GALNT9: variants seen among roughly 807,000 people sequenced by gnomAD.
GALNT9 encodes the protein polypeptide N-acetylgalactosaminyltransferase 9.
A neutral mutation model predicts 63.1 loss-of-function variants in GALNT9; 47 were observed. That is an observed-to-expected ratio of 0.75 (90% CI 0.59 to 0.95). The LOEUF (loss-of-function observed/expected upper bound fraction) is 0.95. GALNT9 is among the 40% of genes least tolerant of loss of function. The probability of loss-of-function intolerance (pLI) is 0.00; values close to 1 mark genes in which losing one functional copy is unlikely to be tolerated. For missense variants in GALNT9, 829 were observed against 874.8 expected (o/e 0.95, Z 0.66); for synonymous variants, 396 against 365.7 (o/e 1.08, Z -0.94).
intron 7 of GALNT9, 40 bp downstream of exon 7, chr12:132,203,465 C>T: frequency 6.2e-7 from 1 of 1,606,644 alleles, no homozygotes; most frequent in Non-Finnish European, 8.5e-7. Flanking sequence ...GACCCCGACC[C>T]TGGGGCATGG....
In GALNT9 at chr12:132,296,036, A is replaced by T. The variant is rs112453846; in HGVS notation, c.239-9606T>A. Among the ~76,000 whole-genome samples the T allele has an allele frequency of 7.5e-6, 1 of 132,716 alleles. No individual in the cohort carries two copies. The highest frequency in any genetic ancestry group is 1.6e-5 in the Non-Finnish European group (1 of 63,852). The allele number at this position is 132,716 out of a possible 152,430, so 87.1% of individuals were successfully genotyped here. A position where few individuals can be genotyped will look rare whatever the true frequency, so the allele number is the denominator to read the frequency against. ...AGCCTCCGGAACAGGGAGAGCCTCC[A>T]GAACAGGGAGAGCCTCTGAACAGGG... is the stretch of plus-strand genomic sequence containing the variant. On this transcript the variant is annotated intron_variant, in intron 1 of 10. Coordinates refer to ENST00000328957, the MANE Select transcript of GALNT9 (RefSeq NM_001122636.2). This position sits in a 1 kb window ranked among gnomAD's most constrained non-coding sequence, Gnocchi z 4.2.
chr12:132,198,569 G>A (rs1168768259), intron 9 of GALNT9, among the ~76,000 whole-genome samples: 2 of 152,130 alleles, frequency 1.3e-5, no homozygotes, highest in Non-Finnish European at 1.5e-5. Context: ...TCAATCACGC[G>A]ACAGTCCTGA....
chr12:132,229,286 G>A (rs1407195725), intron 6 of GALNT9, among the ~76,000 whole-genome samples: 1 of 152,196 alleles, frequency 6.6e-6, no homozygotes, highest in Admixed American at 6.5e-5. Flanking sequence ...ATCTCGCCCT[G>A]GGTCACCAGA....
chr12:132,322,829 G>A (rs954709016), intron 1 of GALNT9, among the ~76,000 whole-genome samples: 2 of 152,368 alleles, frequency 1.3e-5, no homozygotes, highest in South Asian at 4.1e-4. Context: ...TGGAAAATGA[G>A]TTTCTCCTTC....
chr12:132,218,410 G>A (rs965943590), intron 6 of GALNT9, among the ~76,000 whole-genome samples: 3 of 152,216 alleles, frequency 2.0e-5, no homozygotes, highest in African/African-American at 7.2e-5. Context: ...TTGGCAGAAC[G>A]GAATTTCCCC....
rs557103319 is a variant in GALNT9, at chr12:132,255,957, C to T, written c.959+1732G>A. On this transcript the variant is annotated intron_variant, in intron 5 of 10. Coordinates refer to ENST00000328957, the MANE Select transcript of GALNT9 (RefSeq NM_001122636.2). ...CTGTTTCTGTCCCCATGAGGGAGGG[C>T]GAACTCCTGAGTTTACGCAATCCAC... is the stretch of plus-strand genomic sequence containing the variant. Among the ~76,000 whole-genome samples the T allele has an allele frequency of 1.8e-4, 28 of 152,170 alleles. 1 individual carries two copies. The highest frequency in any genetic ancestry group is 6.0e-4 in the African/African-American group (25 of 41,506).
In GALNT9 at chr12:132,296,402, C is replaced by G. The variant is rs1555243252; in HGVS notation, c.239-9972G>C. Among the ~76,000 whole-genome samples, 1 of 152,238 alleles carries G rather than the reference C, an allele frequency of 6.6e-6. No homozygotes were observed. The highest frequency in any genetic ancestry group is 1.5e-5 in the Non-Finnish European group (1 of 68,042). On this transcript the variant is annotated intron_variant, in intron 1 of 10. Coordinates refer to ENST00000328957, the MANE Select transcript of GALNT9 (RefSeq NM_001122636.2). The surrounding 1 kb of genome is among the most constrained non-coding windows in gnomAD (Gnocchi z 4.2). The stretch of plus-strand genomic sequence containing the variant: ...CTGATGGCCCAGCTGTGGGCTCTTC[C>G]CCGGATCTCATGGGTGTCTTCCTGG...
rs1263741739 is a variant in GALNT9 at position 132,279,168 on chromosome 12, C to T, written c.419+7082G>A. ...GCTCCCCAGCTGCTCTGCTCCCCAG[C>T]TCCCTACAACGCGGATTTATTCTTA... On this transcript the variant is annotated intron_variant, in intron 2 of 10. Coordinates refer to ENST00000328957, the MANE Select transcript of GALNT9 (RefSeq NM_001122636.2). This position sits in a 1 kb window ranked among gnomAD's most constrained non-coding sequence, Gnocchi z 4.1. The T allele has an allele frequency of 6.6e-6, 1 of 152,306 alleles. No homozygotes were observed. Among genetic ancestry groups the T allele is most frequent in the East Asian group, 1.9e-4 (1 of 5,194 alleles). The allele number at this position is 152,306 out of a possible 1,614,324, so 9.4% of individuals were successfully genotyped here.
intron 1 of GALNT9, among the ~76,000 whole-genome samples, chr12:132,307,071 C>T (rs144211654): frequency 6.6e-6 from 1 of 152,002 alleles, no homozygotes; most frequent in Non-Finnish European, 1.5e-5. Flanking sequence ...CACCTCCTCT[C>T]GATGGACCCT....
chr12:132,287,930 G>A (rs1432855687), intron 1 of GALNT9, among the ~76,000 whole-genome samples: 2 of 152,190 alleles, frequency 1.3e-5, no homozygotes, highest in Admixed American at 1.3e-4. Flanking sequence ...GCGGGTGCCT[G>A]GGCAATAGTT....
At position 132,240,873 on chromosome 12, in the gene GALNT9, C is replaced by G. The variant is rs1287704653; in HGVS notation, c.1077+7037G>C. ...CCACACCCCCTTCCCAGGGCCGTCC[C>G]TATACCCATTACACACACACCACAC... On this transcript the variant is annotated intron_variant, in intron 6 of 10. Transcript: ENST00000328957. 1.1e-5 allele frequency: 4 copies of G among 378,802 alleles called. No homozygotes were observed. In the East Asian group the frequency reaches 2.2e-4, roughly 21 times the overall value. 23.5% of individuals were successfully genotyped at this position (378,802 alleles called of 1,614,324 possible).
At chr12:132,229,740 C>T (rs1405079697) in intron 6 of GALNT9, among the ~76,000 whole-genome samples, 6 of 152,250 alleles carry the variant, frequency 3.9e-5, no homozygotes, top group Middle Eastern at 3.2e-3. Context: ...TCATGGTCAC[C>T]GGCATCTGTG....
At position 132,203,583 on chromosome 12, in the gene GALNT9, G is replaced by A. The variant is rs1159569909; in HGVS notation, c.1185C>T (p.Arg395=). The A allele has an allele frequency of 1.2e-6, 2 of 1,613,822 alleles. No homozygotes were observed. Among genetic ancestry groups the A allele is most frequent in the East Asian group, 2.2e-5 (1 of 44,880 alleles). The change falls in exon 7 of 11, where the codon CGC becomes CGT. Residue 395 remains arginine (R), a synonymous_variant. Coordinates refer to ENST00000328957, the MANE Select transcript of GALNT9 (RefSeq NM_001122636.2). ...ACACCTCGGCGGCGCGCAGGGCGTT[G>A]CGCTTGGCATAGTAGTCAATGTCGT... ...YNNDIDYYAK[R]NALRAAEVWM...
In GALNT9 at chr12:132,231,044, GGA is replaced by G. The variant is rs1593073763; in HGVS notation, c.1077+16864_1077+16865del. Among the ~76,000 whole-genome samples the G allele has an allele frequency of 1.1e-4, 15 of 140,970 alleles. No individual in the cohort carries two copies. The East Asian group carries it at 1.5e-3, about 14-fold the overall frequency. 92.5% of individuals were successfully genotyped at this position (140,970 alleles called of 152,430 possible). A position where few individuals can be genotyped will look rare whatever the true frequency, so the allele number is the denominator to read the frequency against. On this transcript the variant is annotated intron_variant, in intron 6 of 10. Transcript: ENST00000328957. ...GCCACACACTCGATGGGGCGACAGA[GGA>G]GACAGCGTGGAGTCCCTAGTGCCAC...
intron 6 of GALNT9, among the ~76,000 whole-genome samples, chr12:132,240,992 C>A (rs1394254089): frequency 3.5e-5 from 5 of 141,748 alleles, no homozygotes; most frequent in African/African-American, 1.3e-4. Flanking sequence ...GCCACACCCC[C>A]TTCCCGGGGC....
At chr12:132,303,422 G>GAATCGCCCAGACACAC (rs1881395958) in intron 1 of GALNT9, among the ~76,000 whole-genome samples, 1 of 87,062 alleles carries the variant, frequency 1.1e-5, no homozygotes, top group African/African-American at 4.9e-5. Flanking sequence ...CCCGGGCACA[G>GAATCGCCCAGACACAC]CCTCGCCCGG....
rs546835147 is a variant in GALNT9 at position 132,322,186 on chromosome 12, A to G, written c.238+6780T>C. Among the ~76,000 whole-genome samples the G allele has an allele frequency of 2.6e-5, 4 of 152,254 alleles. 1 individual carries two copies. In the South Asian group the frequency reaches 8.3e-4, roughly 32 times the overall value. ...TCCGGGCGGGCCCCGTTCAACCCGT[A>G]ACCATCCCCGCCACCCAGATACCCA... On this transcript the variant is annotated intron_variant, in intron 1 of 10. Coordinates refer to ENST00000328957, the MANE Select transcript of GALNT9 (RefSeq NM_001122636.2).
At chr12:132,297,868 C>G (rs898125703) in intron 1 of GALNT9, among the ~76,000 whole-genome samples, 1 of 151,842 alleles carries the variant, frequency 6.6e-6, no homozygotes, top group Admixed American at 6.5e-5. Flanking sequence ...CCAAGATTAC[C>G]AACTCACTCC....
Position 132,327,248 on chromosome 12 carries a change from G to C in GALNT9, c.238+1718C>G, listed in dbSNP as rs1454770306. Among the ~76,000 whole-genome samples the C allele has an allele frequency of 3.3e-5, 5 of 151,504 alleles. No homozygotes were observed. Among genetic ancestry groups the C allele is most frequent in the Admixed American group, 3.3e-4 (5 of 15,214 alleles). On this transcript the variant is annotated intron_variant, in intron 1 of 10. Transcript: ENST00000328957. The surrounding 1 kb of genome is among the most constrained non-coding windows in gnomAD (Gnocchi z 4.3). ...GAAGAGGAAGAAGGGAGGGGACAGAGGACAGGAGGAAGCGGGATGGGAGAA... is the reference window on the plus strand; with the variant it reads ...GAAGAGGAAGAAGGGAGGGGACAGACGACAGGAGGAAGCGGGATGGGAGAA...
Sources: gnomAD v4.1 joint callset for allele counts (sites outside exome capture counted in the v4.1 genomes callset) on GRCh38, gnomAD v4.1.1 for gene constraint, Gnocchi (gnomAD v3.1) non-coding constraint, MANE v1.5 for transcripts, NCBI Gene and HGNC (gene_info 2026-07-23, HGNC 2026-07-21) for gene names.